ERBB4: variants seen among roughly 807,000 people sequenced by gnomAD.
ERBB4 encodes receptor tyrosine-protein kinase erbB-4.
ERBB4 carries 42 observed loss-of-function variants against 158.0 expected under a neutral mutation model. The observed-to-expected ratio is 0.27, with a 90% confidence interval of 0.21 to 0.34. The LOEUF (loss-of-function observed/expected upper bound fraction) is 0.34. Among genes scored for constraint, ERBB4 ranks in the 10% least tolerant of loss-of-function variants. ERBB4 has a pLI of 1.00. For synonymous variants in ERBB4, 583 were observed against 558.7 expected (o/e 1.04, Z -0.61); for missense variants, 1,333 against 1,624.1 (o/e 0.82, Z 3.08).
At chr2:211,698,816 T>C (rs2073121412) in intron 12 of ERBB4, among the ~76,000 whole-genome samples, 2 of 152,306 alleles carry the variant, frequency 1.3e-5, no homozygotes, top group Admixed American at 6.5e-5. Context: ...AATGCTTTTA[T>C]AAACCTACTC....
chr2:211,477,076 TTAAC>T (rs1156711725), intron 20 of ERBB4, among the ~76,000 whole-genome samples: 1 of 152,090 alleles, frequency 6.6e-6, no homozygotes, highest in African/African-American at 2.4e-5. Context: ...TTGGTAGACT[TTAAC>T]TAAGCAGATT....
At chr2:212,228,646 TA>T (rs893742619) in intron 1 of ERBB4, among the ~76,000 whole-genome samples, 6 of 151,992 alleles carry the variant, frequency 3.9e-5, no homozygotes, top group African/African-American at 1.2e-4. Context: ...AGATGGCAGA[TA>T]AAAAAAATAT....
At chr2:211,990,635 C>T (rs961211304) in intron 2 of ERBB4, among the ~76,000 whole-genome samples, 2 of 151,922 alleles carry the variant, frequency 1.3e-5, no homozygotes, top group African/African-American at 2.4e-5. Flanking sequence ...TGGTTACACC[C>T]ATGTTTTTTG....
chr2:212,153,643 T>G (rs945944460), intron 1 of ERBB4, among the ~76,000 whole-genome samples: 1 of 152,172 alleles, frequency 6.6e-6, no homozygotes, highest in African/African-American at 2.4e-5. Context: ...TTTTTTGTCA[T>G]TGAAAGTGAT....
intron 22 of ERBB4, among the ~76,000 whole-genome samples, chr2:211,426,229 G>C (rs2063624269): frequency 6.6e-6 from 1 of 152,022 alleles, no homozygotes; most frequent in South Asian, 2.1e-4. Context: ...AGAAAAGGAT[G>C]GTTTCAAGCA....
In ERBB4 at chr2:211,802,511, C is replaced by A. The variant is rs527558916; in HGVS notation, c.422-14352G>T. Among the ~76,000 whole-genome samples the A allele has an allele frequency of 4.6e-5, 7 of 152,272 alleles. No homozygotes were observed. The South Asian group carries it at 1.4e-3, about 32-fold the overall frequency. On this transcript the variant is annotated intron_variant, in intron 3 of 27. Transcript: ENST00000342788. Reference sequence around the variant, plus strand: ...CAACAAACATCTTGAAGAATTGTTGCAAACCAGATGCTAAACCTAAGCCTT... The same window carrying A: ...CAACAAACATCTTGAAGAATTGTTGAAAACCAGATGCTAAACCTAAGCCTT...
intron 18 of ERBB4, among the ~76,000 whole-genome samples, chr2:211,622,163 G>T (rs963004373): frequency 6.6e-6 from 1 of 152,276 alleles, no homozygotes; most frequent in South Asian, 2.1e-4. Flanking sequence ...TTGTAGAAAT[G>T]AGTACAGATT....
At chr2:212,075,259 T>A (rs1054158896) in intron 2 of ERBB4, among the ~76,000 whole-genome samples, 1 of 151,944 alleles carries the variant, frequency 6.6e-6, no homozygotes, top group African/African-American at 2.4e-5. Context: ...CTATATTTAT[T>A]GTGTAAGAAA....
chr2:211,825,169 A>T (rs781692886), intron 3 of ERBB4, among the ~76,000 whole-genome samples: 72 of 151,988 alleles, frequency 4.7e-4, no homozygotes, highest in Non-Finnish European at 8.1e-4. Flanking sequence ...TCAGTAGAAT[A>T]AGTCTGTTTT....
intron 20 of ERBB4, among the ~76,000 whole-genome samples, chr2:211,466,854 T>C (rs2064705036): frequency 6.6e-6 from 1 of 152,108 alleles, no homozygotes; most frequent in African/African-American, 2.4e-5. Flanking sequence ...ACCTTATAAA[T>C]GGTAATATAT....
At chr2:212,522,045 A>G (rs572462552) in intron 1 of ERBB4, among the ~76,000 whole-genome samples, 2 of 152,104 alleles carry the variant, frequency 1.3e-5, no homozygotes, top group Non-Finnish European at 2.9e-5. Flanking sequence ...GACCTAAAAT[A>G]CTTAAGAAAT....
At chr2:211,797,098 A>T (rs1007119508) in intron 3 of ERBB4, among the ~76,000 whole-genome samples, 1 of 151,976 alleles carries the variant, frequency 6.6e-6, no homozygotes, top group Non-Finnish European at 1.5e-5. Context: ...TTGCTATTAA[A>T]ATAGAACACT....
chr2:212,113,908 AAAGT>A (rs1378459006), intron 2 of ERBB4, among the ~76,000 whole-genome samples: 6 of 152,248 alleles, frequency 3.9e-5, no homozygotes, highest in African/African-American at 1.4e-4. Context: ...TTCAGTTGGA[AAAGT>A]AAGTAATGTA....
chr2:211,937,949 T>G (rs561380028), intron 3 of ERBB4, among the ~76,000 whole-genome samples: 1 of 152,176 alleles, frequency 6.6e-6, no homozygotes, highest in Non-Finnish European at 1.5e-5. Flanking sequence ...GTCATTTATC[T>G]GACCAACAGA....
At chr2:212,140,846 A>AGTGT (rs35461019) in intron 1 of ERBB4, among the ~76,000 whole-genome samples, 8,148 of 131,654 alleles carry the variant, frequency 0.062, 327 homozygotes, top group African/African-American at 0.11. Context: ...AGGAAACATG[A>AGTGT]GTGTGTGTGT....
chr2:212,258,199 A>G (rs1220057942), intron 1 of ERBB4, among the ~76,000 whole-genome samples: 2 of 152,132 alleles, frequency 1.3e-5, no homozygotes, highest in East Asian at 1.9e-4. Context: ...ATACCCTAAA[A>G]GTATTAGATA....
chr2:212,322,776 C>A (rs1162785142), intron 1 of ERBB4, among the ~76,000 whole-genome samples: 1 of 150,194 alleles, frequency 6.7e-6, no homozygotes. Context: ...GAAATTGGGG[C>A]TACAAATAAT....
chr2:212,387,466 C>CT (rs368632174), intron 1 of ERBB4, among the ~76,000 whole-genome samples: 61,869 of 146,224 alleles, frequency 0.42, 14,253 homozygotes, highest in African/African-American at 0.64. Context: ...TTTTTTTTTT[C>CT]TTTTTTTGAG....
chr2:212,005,560 G>A (rs540757466), intron 2 of ERBB4, among the ~76,000 whole-genome samples: 5 of 152,232 alleles, frequency 3.3e-5, no homozygotes, highest in Middle Eastern at 3.4e-3. Flanking sequence ...GTATAAATTC[G>A]TCAGATATGG....
Sources: allele counts gnomAD v4.1 joint callset (sites outside exome capture counted in the v4.1 genomes callset), GRCh38; gene constraint gnomAD v4.1.1; transcripts MANE v1.5; gene names NCBI Gene and HGNC (gene_info 2026-07-23, HGNC 2026-07-21).